SLC4A10: variants seen among roughly 807,000 people sequenced by gnomAD.
SLC4A10 encodes sodium-driven chloride bicarbonate exchanger.
A neutral mutation model predicts 137.7 loss-of-function variants in SLC4A10; 42 were observed. The observed-to-expected ratio is 0.30, with a 90% CI of 0.24 to 0.39. The LOEUF (loss-of-function observed/expected upper bound fraction) is 0.39. Ranked by LOEUF, SLC4A10 falls within the 10% of genes least tolerant of loss-of-function variation. SLC4A10 has a pLI of 1.00. For missense variants in SLC4A10, 925 were observed against 1,355.0 expected, an observed-to-expected ratio of 0.68 and a Z score of 4.98; for synonymous variants, 474 against 464.1, an observed-to-expected ratio of 1.02 and a Z score of -0.27.
chr2:161,732,157 T>G (rs2046884827), intron 1 of SLC4A10, among the ~76,000 whole-genome samples: 1 of 152,240 alleles, frequency 6.6e-6, no homozygotes, highest in South Asian at 2.1e-4. Context: ...TTATGGGAGC[T>G]TCATTACTAG....
intron 2 of SLC4A10, among the ~76,000 whole-genome samples, chr2:161,786,423 T>C (rs2053628834): frequency 6.6e-6 from 1 of 151,950 alleles, no homozygotes; most frequent in African/African-American, 2.4e-5. Flanking sequence ...AAAGTTAATA[T>C]TGACATGTGA....
chr2:161,956,425 C>G (rs1003465390), intron 19 of SLC4A10, among the ~76,000 whole-genome samples: 2 of 152,218 alleles, frequency 1.3e-5, no homozygotes, highest in East Asian at 3.9e-4. Flanking sequence ...AATAGGCCAT[C>G]CCTTTGGCTG....
intron 1 of SLC4A10, among the ~76,000 whole-genome samples, chr2:161,666,485 C>T (rs1445785427): frequency 5.3e-5 from 8 of 151,686 alleles, no homozygotes; most frequent in Admixed American, 5.3e-4. Context: ...AGGGCCCAAT[C>T]TCTACCAAAT....
intron 1 of SLC4A10, among the ~76,000 whole-genome samples, chr2:161,730,759 G>A (rs915022584): frequency 6.6e-5 from 10 of 152,270 alleles, no homozygotes; most frequent in African/African-American, 2.2e-4. Flanking sequence ...TAGTGTCAGT[G>A]AAATATAATC....
At chr2:161,709,221 A>C (rs1424032209) in intron 1 of SLC4A10, among the ~76,000 whole-genome samples, 1 of 151,626 alleles carries the variant, frequency 6.6e-6, no homozygotes, top group Admixed American at 6.6e-5. Context: ...ATAAGGATAC[A>C]TCGTAGCTAG....
At chr2:161,971,609 A>T (rs1449378354) in intron 23 of SLC4A10, among the ~76,000 whole-genome samples, 5 of 152,186 alleles carry the variant, frequency 3.3e-5, no homozygotes, top group African/African-American at 1.2e-4. Flanking sequence ...GATCTGATTG[A>T]GATAACCTAG....
At chr2:161,895,930 TGTC>T (rs1164336671) in intron 11 of SLC4A10, among the ~76,000 whole-genome samples, 1 of 150,970 alleles carries the variant, frequency 6.6e-6, no homozygotes, top group African/African-American at 2.4e-5. Context: ...AGATCCCATT[TGTC>T]AATTTTGGCT....
chr2:161,860,593 T>G (rs1018656820), intron 5 of SLC4A10, among the ~76,000 whole-genome samples: 2 of 152,214 alleles, frequency 1.3e-5, no homozygotes, highest in Non-Finnish European at 2.9e-5. Flanking sequence ...CGTTGACAAT[T>G]TATTATTTCC....
intron 1 of SLC4A10, among the ~76,000 whole-genome samples, chr2:161,680,315 A>G (rs1574305197): frequency 6.6e-6 from 1 of 152,336 alleles, no homozygotes; most frequent in African/African-American, 2.4e-5. Flanking sequence ...GCCACCTGCC[A>G]GTATATGTAT....
intron 1 of SLC4A10, among the ~76,000 whole-genome samples, chr2:161,701,991 G>A (rs532114255): frequency 2.6e-5 from 4 of 152,006 alleles, no homozygotes; most frequent in African/African-American, 9.6e-5. Flanking sequence ...GGAAAATAGT[G>A]TGTGGAAGTT....
chr2:161,855,843 CACAA>C (rs1325884049), intron 5 of SLC4A10, among the ~76,000 whole-genome samples: 6 of 151,804 alleles, frequency 4.0e-5, no homozygotes, highest in East Asian at 3.9e-4. Context: ...GTTTTAAAAA[CACAA>C]ACAAAGAAAA....
intron 1 of SLC4A10, among the ~76,000 whole-genome samples, chr2:161,661,831 C>CA (rs759153949): frequency 2.4e-4 from 36 of 151,460 alleles, no homozygotes; most frequent in East Asian, 7.7e-4. Context: ...AAGATTTCAG[C>CA]AAAAAAAATA....
chr2:161,957,854 TACAAC>T (rs1272082448), intron 20 of SLC4A10, among the ~76,000 whole-genome samples: 3 of 152,218 alleles, frequency 2.0e-5, no homozygotes, highest in African/African-American at 7.2e-5. Flanking sequence ...CGCTATAAAT[TACAAC>T]ACATTTTATT....
chr2:161,866,368 A>G (rs934457977), intron 6 of SLC4A10, among the ~76,000 whole-genome samples: 14 of 151,948 alleles, frequency 9.2e-5, no homozygotes, highest in African/African-American at 2.9e-4. Flanking sequence ...TAATTTGTCA[A>G]TCTCATCTCT....
intron 1 of SLC4A10, among the ~76,000 whole-genome samples, chr2:161,752,295 C>T (rs1264798490): frequency 6.6e-6 from 1 of 151,878 alleles, no homozygotes; most frequent in African/African-American, 2.4e-5. Context: ...CTAATTAATC[C>T]TCTCTTGAAG....
At chr2:161,931,645 G>A (rs1325532740) in intron 15 of SLC4A10, among the ~76,000 whole-genome samples, 1 of 152,146 alleles carries the variant, frequency 6.6e-6, no homozygotes, top group Non-Finnish European at 1.5e-5. Context: ...AATTAATTTA[G>A]AATCAGTTGT....
chr2:161,763,028 G>T (rs545092253), intron 1 of SLC4A10, among the ~76,000 whole-genome samples: 1 of 152,024 alleles, frequency 6.6e-6, no homozygotes, highest in Non-Finnish European at 1.5e-5. Flanking sequence ...CTTTGAAAGT[G>T]TTCCATACTT....
chr2:161,625,545 C>T (rs918119100), intron 1 of SLC4A10, among the ~76,000 whole-genome samples: 2 of 152,118 alleles, frequency 1.3e-5, no homozygotes, highest in Non-Finnish European at 2.9e-5. Context: ...TCTCAGCTCC[C>T]TGTTACTAAG....
intron 12 of SLC4A10, 75 bp from the exon 13 acceptor site, chr2:161,903,929 C>A: frequency 7.0e-7 from 1 of 1,431,920 alleles, no homozygotes; most frequent in Admixed American, 2.3e-5. Flanking sequence ...GACCTGGCAA[C>A]AAAGCAAATG....
Sources: allele counts gnomAD v4.1 joint callset (sites outside exome capture counted in the v4.1 genomes callset), GRCh38; gene constraint gnomAD v4.1.1; transcripts MANE v1.5; gene names NCBI Gene and HGNC (gene_info 2026-07-23, HGNC 2026-07-21).